Variants in DIS3L2 observed in about 807,000 individuals in gnomAD.
The protein encoded by DIS3L2 is DIS3 like 3'-5' exoribonuclease 2.
A neutral mutation model predicts 97.5 loss-of-function variants in DIS3L2; 34 were observed. The ratio of observed to expected loss-of-function variants is 0.35; its 90% CI spans 0.27 to 0.46. DIS3L2 has a LOEUF of 0.46. Ranked by LOEUF, DIS3L2 falls within the 20% of genes least tolerant of loss-of-function variation. DIS3L2 has a pLI of 1.00. For missense variants in DIS3L2, 1,038 were observed against 1,146.0 expected (o/e 0.91, Z 1.36); for synonymous variants, 435 against 445.2 (o/e 0.98, Z 0.29).
intron 5 of DIS3L2, among the ~76,000 whole-genome samples, chr2:232,084,041 G>A (rs1256138561): frequency 6.6e-6 from 1 of 152,208 alleles, no homozygotes; most frequent in Non-Finnish European, 1.5e-5. Flanking sequence ...AGGATGGTCA[G>A]GGGCAGATGT....
intron 14 of DIS3L2, among the ~76,000 whole-genome samples, chr2:232,321,192 G>A (rs1177580349): frequency 1.3e-5 from 2 of 152,194 alleles, no homozygotes; most frequent in South Asian, 4.1e-4. Flanking sequence ...AAAGCCTGCG[G>A]GGGGCCAGGG....
rs189350207 is a variant in DIS3L2 at position 231,969,397 on chromosome 2, A to G, written c.-94+7632A>G. On this transcript the variant is annotated intron_variant, in intron 1 of 20. Transcript: ENST00000325385. ...GCAATCTTGGCTCACTGCAACCTCT[A>G]CCTCCCAGGTTCAAGCAATTCTTCT... Among the ~76,000 whole-genome samples, 5 of 143,270 alleles carry G rather than the reference A, an allele frequency of 3.5e-5. No homozygotes were observed. The East Asian group carries it at 6.1e-4, about 18-fold the overall frequency. The allele number at this position is 143,270 out of a possible 152,430, so 94.0% of individuals were successfully genotyped here.
chr2:232,055,824 G>A (rs1355590286), intron 5 of DIS3L2, among the ~76,000 whole-genome samples: 3 of 152,146 alleles, frequency 2.0e-5, no homozygotes, highest in Non-Finnish European at 4.4e-5. Context: ...CTCATATATG[G>A]TCACTTGATT....
chr2:231,971,770 C>T (rs1034610247), intron 1 of DIS3L2, among the ~76,000 whole-genome samples: 10 of 149,132 alleles, frequency 6.7e-5, no homozygotes, highest in African/African-American at 2.2e-4. Context: ...TTAGTAGAGA[C>T]GGGGTTTCAC....
chr2:232,222,372 C>T (rs1487105864), intron 10 of DIS3L2, among the ~76,000 whole-genome samples: 2 of 152,108 alleles, frequency 1.3e-5, no homozygotes, highest in African/African-American at 4.8e-5. Context: ...GTAGTAGGGC[C>T]CTTGATAATG....
intron 5 of DIS3L2, among the ~76,000 whole-genome samples, chr2:232,086,556 C>T (rs1212863426): frequency 1.4e-5 from 2 of 140,654 alleles, no homozygotes; most frequent in Non-Finnish European, 3.1e-5. Context: ...GAAATAAATA[C>T]ATAATAGAAA....
At chr2:231,998,762 C>G (rs1693796233) in intron 1 of DIS3L2, among the ~76,000 whole-genome samples, 2 of 152,084 alleles carry the variant, frequency 1.3e-5, no homozygotes, top group South Asian at 2.1e-4. Context: ...TTTTCTAATT[C>G]CATTGTTTTT....
At chr2:232,261,603 C>G (rs1222555670) in intron 12 of DIS3L2, among the ~76,000 whole-genome samples, 1 of 152,212 alleles carries the variant, frequency 6.6e-6, no homozygotes, top group Non-Finnish European at 1.5e-5. Context: ...GAGCCCTCCT[C>G]ACAGCGTCTC....
intron 1 of DIS3L2, among the ~76,000 whole-genome samples, chr2:231,981,816 T>A (rs1693272756): frequency 6.6e-6 from 1 of 151,310 alleles, no homozygotes; most frequent in African/African-American, 2.4e-5. Flanking sequence ...GGTGGATTGC[T>A]TGAGTCCAGG....
At chr2:232,145,996 G>A (rs988637094) in intron 8 of DIS3L2, among the ~76,000 whole-genome samples, 9 of 152,306 alleles carry the variant, frequency 5.9e-5, no homozygotes, top group African/African-American at 1.9e-4. Context: ...ATAACCAAAG[G>A]ATAGGGACAG....
intron 1 of DIS3L2, among the ~76,000 whole-genome samples, chr2:231,987,140 T>A (rs1462698324): frequency 6.6e-6 from 1 of 152,188 alleles, no homozygotes; most frequent in East Asian, 1.9e-4. Flanking sequence ...ATAAGGATAG[T>A]TTCTTCCAGG....
At chr2:232,110,916 G>A (rs997295493) in intron 6 of DIS3L2, among the ~76,000 whole-genome samples, 10 of 151,994 alleles carry the variant, frequency 6.6e-5, no homozygotes, top group South Asian at 2.1e-4. Flanking sequence ...AATGGTAAAT[G>A]TGCTTTTAAT....
intron 5 of DIS3L2, among the ~76,000 whole-genome samples, chr2:232,052,646 TAC>T (rs1420944549): frequency 2.6e-5 from 4 of 152,248 alleles, no homozygotes; most frequent in Admixed American, 2.0e-4. Flanking sequence ...TTTCTTTTTA[TAC>T]ACAGTTTCCT....
chr2:232,220,821 G>A (rs974143669), intron 10 of DIS3L2, among the ~76,000 whole-genome samples: 1 of 151,986 alleles, frequency 6.6e-6, no homozygotes, highest in Admixed American at 6.6e-5. Flanking sequence ...TTTATTTTTA[G>A]GCTGGGCATG....
intron 17 of DIS3L2, 40 bp downstream of exon 17, chr2:232,334,027 C>T (rs780623473): frequency 6.3e-7 from 1 of 1,577,754 alleles, no homozygotes; most frequent in Non-Finnish European, 8.6e-7. Flanking sequence ...CCTGGGCCAG[C>T]TCAGGGCTGC....
At chr2:232,090,242 CT>C (rs1455786992) in intron 6 of DIS3L2, among the ~76,000 whole-genome samples, 4 of 152,088 alleles carry the variant, frequency 2.6e-5, no homozygotes, top group African/African-American at 9.7e-5. Context: ...GCCCCTCCCT[CT>C]TTCTTACAAG....
chr2:232,006,624 G>A (rs534003337), intron 1 of DIS3L2, among the ~76,000 whole-genome samples: 46 of 152,252 alleles, frequency 3.0e-4, no homozygotes, highest in African/African-American at 1.1e-3. Flanking sequence ...GAGCTTTGAA[G>A]AGCAGAGCTG....
At chr2:232,286,471 G>T (rs1694436861) in intron 13 of DIS3L2, among the ~76,000 whole-genome samples, 1 of 151,990 alleles carries the variant, frequency 6.6e-6, no homozygotes, top group Non-Finnish European at 1.5e-5. Flanking sequence ...GGACCTTATT[G>T]TTGTAGAAAT....
rs868217565 is a variant in DIS3L2, at chr2:232,200,788, T to G, written c.1125-9538T>G. The stretch of plus-strand genomic sequence containing the variant: ...AAACCATTGACCAAAAGGTTTTTTT[T>G]TTTTTTTTTTTTTTGAGATGGAGTC... On this transcript the variant is annotated intron_variant, in intron 9 of 20. Coordinates refer to ENST00000325385, the MANE Select transcript of DIS3L2 (RefSeq NM_152383.5). 4.3e-4 allele frequency among the ~76,000 whole-genome samples: 64 copies of G among 149,872 alleles called. 1 individual carries two copies. The highest frequency in any genetic ancestry group is 1.4e-3 in the African/African-American group (58 of 40,948).
Sources: gnomAD v4.1 joint callset for allele counts (sites outside exome capture counted in the v4.1 genomes callset) on GRCh38, gnomAD v4.1.1 for gene constraint, MANE v1.5 for transcripts, NCBI Gene and HGNC (gene_info 2026-07-23, HGNC 2026-07-21) for gene names.